KCNN3: variants seen among roughly 807,000 people sequenced by gnomAD.
KCNN3 encodes small conductance calcium-activated potassium channel protein 3.
In KCNN3, 16 loss-of-function variants were observed where a neutral mutation model predicts 62.9. The observed-to-expected ratio is 0.25, with a 90% CI of 0.17 to 0.39. KCNN3 has a LOEUF of 0.39. KCNN3 is among the 10% of genes least tolerant of loss of function. The pLI is 1.00. For synonymous variants in KCNN3, 370 were observed against 389.2 expected (o/e 0.95, Z 0.58); for missense variants, 599 against 949.4 (o/e 0.63, Z 4.85).
At chr1:154,755,086 T>C (rs1647574572) in intron 3 of KCNN3, among the ~76,000 whole-genome samples, 1 of 152,196 alleles carries the variant, frequency 6.6e-6, no homozygotes, top group African/African-American at 2.4e-5. Flanking sequence ...TTAGTCCTCC[T>C]AGTAGTTTTC....
chr1:154,741,576 TA>T (rs2101802577), intron 3 of KCNN3, among the ~76,000 whole-genome samples: 1 of 152,362 alleles, frequency 6.6e-6, no homozygotes, highest in African/African-American at 2.4e-5. Flanking sequence ...TCACTATTAA[TA>T]AGAACTCAGC....
At chr1:154,714,838 C>T (rs1233790083) in intron 6 of KCNN3, 38 bp downstream of exon 6, 1 of 1,612,296 alleles carries the variant, frequency 6.2e-7, no homozygotes, top group Non-Finnish European at 8.5e-7. Context: ...CACTCCCAGT[C>T]TGGTCATCTG....
In KCNN3 at chr1:154,862,798, C is replaced by T. The variant is rs1652815811; in HGVS notation, c.933+6234G>A. Reference sequence around the variant, plus strand: ...CCCGCCCTCCATCAAGCCCTTCCTGCCCAGCTCGTGGTAAAGTTCCTCCTG... The same window carrying T: ...CCCGCCCTCCATCAAGCCCTTCCTGTCCAGCTCGTGGTAAAGTTCCTCCTG... On this transcript the variant is annotated intron_variant, in intron 1 of 7. Coordinates refer to ENST00000271915, the MANE Select transcript of KCNN3 (RefSeq NM_002249.6). This position sits in a 1 kb window ranked among gnomAD's most constrained non-coding sequence, Gnocchi z 4.1. 6.6e-6 allele frequency among the ~76,000 whole-genome samples: 1 copy of T among 152,180 alleles called. No individual in the cohort carries two copies. Among genetic ancestry groups the T allele is most frequent in the Admixed American group, 6.5e-5 (1 of 15,278 alleles).
chr1:154,772,340 C>G lies in KCNN3; in HGVS notation c.1083G>C (p.Glu361Asp). ...TCTCCAGGCTGATGTACAGGATGCGCTCGTAGGTCATGGCTATCCGCCAGT... is the reference window on the plus strand; with the variant it reads ...TCTCCAGGCTGATGTACAGGATGCGGTCGTAGGTCATGGCTATCCGCCAGT... Reference protein sequence around the residue: ...ADDWRIAMTYERILYISLEML... With the variant: ...ADDWRIAMTYDRILYISLEML... Residue 361 changes from glutamate to aspartate, a missense_variant, in exon 3 of 8, where the codon GAG becomes GAC. Physicochemically the swap from Glu to Asp is conservative, Grantham distance 45. Coordinates refer to ENST00000271915, the MANE Select transcript of KCNN3 (RefSeq NM_002249.6). The surrounding 1 kb of genome is among the most constrained non-coding windows in gnomAD (Gnocchi z 5.6). The G allele has an allele frequency of 6.2e-7, 1 of 1,614,212 alleles. No homozygotes were observed. Among genetic ancestry groups the G allele is most frequent in the Non-Finnish European group, 8.5e-7 (1 of 1,180,032 alleles).
Position 154,869,692 on chromosome 1 carries a change from G to A in KCNN3, c.273C>T (p.Leu91=), listed in dbSNP as rs1242966390. ...GGCCAGGGTGGACGGGCTGGCTCTG[G>A]AGTTGGGCGAGCTGAGACAGGGGAT... ...PPHPLSQLAQ[L]QSQPVHPGLL... The change falls in exon 1 of 8, where the codon CTC becomes CTT. Residue 91 remains leucine, a synonymous_variant. Transcript: ENST00000271915. This position sits in a 1 kb window ranked among gnomAD's most constrained non-coding sequence, Gnocchi z 6.1. The A allele has an allele frequency of 3.2e-6, 5 of 1,583,806 alleles. No homozygotes were observed. The African/African-American group carries it at 6.9e-5, about 22-fold the overall frequency.
chr1:154,738,546 G>C (rs537777966), intron 3 of KCNN3, among the ~76,000 whole-genome samples: 1 of 152,194 alleles, frequency 6.6e-6, no homozygotes, highest in South Asian at 2.1e-4. Flanking sequence ...AGGAAGACAA[G>C]GAATAAAGGT....
intron 2 of KCNN3, among the ~76,000 whole-genome samples, chr1:154,790,328 G>A (rs1307642169): frequency 1.3e-5 from 2 of 152,138 alleles, no homozygotes; most frequent in South Asian, 2.1e-4. Flanking sequence ...GATGGGTCAC[G>A]TCCTGATGAG....
At chr1:154,758,635 T>TG (rs1434363603) in intron 3 of KCNN3, among the ~76,000 whole-genome samples, 1 of 151,666 alleles carries the variant, frequency 6.6e-6, no homozygotes, top group Non-Finnish European at 1.5e-5. Context: ...CTCTGTGCAG[T>TG]GGGGGGCAAG....
intron 5 of KCNN3, among the ~76,000 whole-genome samples, chr1:154,718,955 C>T (rs1439674205): frequency 6.6e-6 from 1 of 152,176 alleles, no homozygotes; most frequent in Non-Finnish European, 1.5e-5. Flanking sequence ...AAACATACAA[C>T]AGAACACACA....
intron 1 of KCNN3, among the ~76,000 whole-genome samples, chr1:154,843,496 C>A (rs1260921223): frequency 1.3e-5 from 2 of 152,226 alleles, no homozygotes; most frequent in Admixed American, 6.5e-5. Context: ...GTTGTCCTGG[C>A]CTCAAGCAAG....
intron 6 of KCNN3, among the ~76,000 whole-genome samples, chr1:154,714,146 G>GTGGTA (rs1700144968): frequency 1.4e-5 from 2 of 137,948 alleles, no homozygotes; most frequent in Admixed American, 7.2e-5. Flanking sequence ...TGGTGTTTGT[G>GTGGTA]TGTGGTATGT....
intron 2 of KCNN3, among the ~76,000 whole-genome samples, chr1:154,777,776 G>A (rs1648853886): frequency 6.6e-6 from 1 of 152,240 alleles, no homozygotes; most frequent in South Asian, 2.1e-4. Flanking sequence ...CTGAGGTGAT[G>A]TGGACAGAGT....
intron 2 of KCNN3, among the ~76,000 whole-genome samples, chr1:154,805,860 A>G (rs1451573724): frequency 6.6e-6 from 1 of 152,244 alleles, no homozygotes; most frequent in Admixed American, 6.5e-5. Context: ...TGACTATGTT[A>G]TAAGCAGGAA....
At chr1:154,815,494 C>T (rs970525684) in intron 2 of KCNN3, among the ~76,000 whole-genome samples, 2 of 152,126 alleles carry the variant, frequency 1.3e-5, no homozygotes, top group African/African-American at 4.8e-5. Context: ...TTTCACAGAC[C>T]CTCATATTAT....
At position 154,721,370 on chromosome 1, in the gene KCNN3, G is replaced by A. The variant is rs1053672720; in HGVS notation, c.1701+4546C>T. On this transcript the variant is annotated intron_variant, in intron 5 of 7. Coordinates refer to ENST00000271915, the MANE Select transcript of KCNN3 (RefSeq NM_002249.6). The stretch of plus-strand genomic sequence containing the variant: ...GCTGGAGTGCAGTGGCACGATCTCA[G>A]CTCACTGTAACCTCCGCCTCCTGGG... 7.4e-5 allele frequency among the ~76,000 whole-genome samples: 11 copies of A among 147,800 alleles called. No homozygotes were observed. The Admixed American group carries it at 7.6e-4, about 10-fold the overall frequency.
chr1:154,724,860 T>TCTTTTTTTTTTTTTTTATTTTG (rs140118887), intron 5 of KCNN3, among the ~76,000 whole-genome samples: 1 of 134,280 alleles, frequency 7.4e-6, no homozygotes. Context: ...AGAATGATTC[T>TCTTTTTTTTTTTTTTTATTTTG]TTTTTTTTTT....
chr1:154,768,492 G>A (rs1557965953), intron 3 of KCNN3, among the ~76,000 whole-genome samples: 1 of 152,148 alleles, frequency 6.6e-6, no homozygotes, highest in Non-Finnish European at 1.5e-5. Flanking sequence ...ATACCTCTGG[G>A]GTATAGAGGA....
chr1:154,729,140 AG>A (rs1700536891), intron 4 of KCNN3, among the ~76,000 whole-genome samples: 1 of 152,116 alleles, frequency 6.6e-6, no homozygotes, highest in Non-Finnish European at 1.5e-5. Flanking sequence ...GCTGGTGGGT[AG>A]AGGGGGTGTG....
At chr1:154,780,015 G>A (rs775886017) in intron 2 of KCNN3, among the ~76,000 whole-genome samples, 5 of 151,986 alleles carry the variant, frequency 3.3e-5, no homozygotes, top group Non-Finnish European at 7.4e-5. Context: ...CTCAGGACAG[G>A]GCCGTTCAGC....
Sources: allele counts gnomAD v4.1 joint callset (sites outside exome capture counted in the v4.1 genomes callset), GRCh38; gene constraint gnomAD v4.1.1; non-coding constraint Gnocchi (gnomAD v3.1); transcripts MANE v1.5; gene names NCBI Gene and HGNC (gene_info 2026-07-23, HGNC 2026-07-21).